The following BPGM variants were observed in gnomAD, a reference collection of about 807,000 sequenced individuals.
BPGM encodes 2,3-bisphosphoglycerate mutase, erythrocyte.
In BPGM, 15 loss-of-function variants were observed where a neutral mutation model predicts 21.6. The ratio of observed to expected loss-of-function variants is 0.70; its 90% CI spans 0.47 to 1.07. The LOEUF (loss-of-function observed/expected upper bound fraction) is 1.07, where lower values mean the gene tolerates loss of function less well. BPGM is among the 50% of genes least tolerant of loss of function. BPGM has a pLI of 0.00. For synonymous variants in BPGM, 113 were observed against 116.2 expected (o/e 0.97, Z 0.18); for missense variants, 273 against 319.0 (o/e 0.86, Z 1.10).
intron 1 of BPGM, among the ~76,000 whole-genome samples, chr7:134,649,534 TG>T (rs3837073): frequency 0.48 from 73,255 of 151,992 alleles, 17,898 homozygotes; most frequent in East Asian, 0.69. Flanking sequence ...TTGAACCGAA[TG>T]GTTTCTTGAA....
At chr7:134,655,122 G>A (rs1352765844) in intron 1 of BPGM, among the ~76,000 whole-genome samples, 2 of 152,090 alleles carry the variant, frequency 1.3e-5, no homozygotes, top group Non-Finnish European at 2.9e-5. Context: ...GAGAAACCAG[G>A]TACAGGTTGG....
intron 1 of BPGM, among the ~76,000 whole-genome samples, chr7:134,654,682 G>A (rs1465710329): frequency 1.3e-5 from 2 of 152,196 alleles, no homozygotes; most frequent in East Asian, 3.8e-4. Context: ...AGACCAAGAT[G>A]TAACCGTGGA....
At chr7:134,674,231 C>T (rs547919234) in intron 2 of BPGM, among the ~76,000 whole-genome samples, 2 of 152,202 alleles carry the variant, frequency 1.3e-5, no homozygotes, top group East Asian at 3.9e-4. Flanking sequence ...TATTTTTTAA[C>T]ATCTTTATTG....
At chr7:134,649,222 C>T (rs1188675901) in intron 1 of BPGM, among the ~76,000 whole-genome samples, 1 of 151,202 alleles carries the variant, frequency 6.6e-6, no homozygotes, top group East Asian at 1.9e-4. Context: ...AATACTAGGT[C>T]TTATTGATCT....
chr7:134,656,567 C>A (rs1204770496), intron 1 of BPGM, among the ~76,000 whole-genome samples: 1 of 152,142 alleles, frequency 6.6e-6, no homozygotes, highest in East Asian at 1.9e-4. Flanking sequence ...ACATGTCCTT[C>A]TTCACATGGT....
intron 2 of BPGM, 88 bp downstream of exon 2, chr7:134,662,196 ACAC>A: frequency 6.6e-7 from 1 of 1,511,644 alleles, no homozygotes; most frequent in Non-Finnish European, 9.1e-7. Flanking sequence ...GGCCCTATTT[ACAC>A]AATAGACTCC....
At chr7:134,666,578 A>C (rs1795824652) in intron 2 of BPGM, among the ~76,000 whole-genome samples, 1 of 152,204 alleles carries the variant, frequency 6.6e-6, no homozygotes, top group South Asian at 2.1e-4. Context: ...ATTCTCACCC[A>C]TTCTGGATAT....
chr7:134,648,380 C>G (rs1381834160), intron 1 of BPGM, among the ~76,000 whole-genome samples: 2 of 152,122 alleles, frequency 1.3e-5, no homozygotes, highest in East Asian at 3.9e-4. Context: ...GGTGATCTGC[C>G]TGCCTCGGCC....
At chr7:134,677,826 C>T (rs1014664457) in intron 2 of BPGM, among the ~76,000 whole-genome samples, 13 of 152,188 alleles carry the variant, frequency 8.5e-5, no homozygotes, top group Non-Finnish European at 1.6e-4. Context: ...CTCATGCCTT[C>T]CCTTTGCTCA....
intron 2 of BPGM, among the ~76,000 whole-genome samples, chr7:134,666,708 A>G (rs1482683258): frequency 6.6e-6 from 1 of 152,212 alleles, no homozygotes; most frequent in Non-Finnish European, 1.5e-5. Flanking sequence ...CCTAACATGG[A>G]AGAAATTATG....
chr7:134,673,909 T>C (rs1795945139), intron 2 of BPGM, among the ~76,000 whole-genome samples: 1 of 149,892 alleles, frequency 6.7e-6, no homozygotes, highest in Admixed American at 6.6e-5. Context: ...TTTCCTTTTT[T>C]TTTTTTTTTT....
rs1585858236 is a variant in BPGM at position 134,661,759 on chromosome 7, C to T, written c.252C>T (p.Ser84=). 2.5e-6 allele frequency: 4 copies of T among 1,614,174 alleles called. No homozygotes were observed. The highest frequency in any genetic ancestry group is 2.5e-6 in the Non-Finnish European group (3 of 1,180,030). Reference sequence around the variant, plus strand: ...AGGAATGGGTGCCTGTGGAAAGCTCCTGGCGTCTAAATGAGCGTCACTATG... The same window carrying T: ...AGGAATGGGTGCCTGTGGAAAGCTCTTGGCGTCTAAATGAGCGTCACTATG... ...LGQEWVPVES[S]WRLNERHYGA... The change falls in exon 2 of 3, where the codon TCC becomes TCT. Residue 84 remains serine, a synonymous_variant. Transcript: ENST00000344924. This position sits in a 1 kb window ranked among gnomAD's most constrained non-coding sequence, Gnocchi z 4.6.
chr7:134,648,024 C>T (rs924990493), intron 1 of BPGM, among the ~76,000 whole-genome samples: 1 of 151,946 alleles, frequency 6.6e-6, no homozygotes, highest in African/African-American at 2.4e-5. Flanking sequence ...TCTTGAACTC[C>T]TGACCTCAGG....
rs369375961 is a variant in BPGM, at chr7:134,654,890, A to G, written c.-61-6557A>G. Among the ~76,000 whole-genome samples the G allele has an allele frequency of 3.1e-4, 47 of 152,308 alleles. No homozygotes were observed. In the East Asian group the frequency reaches 5.8e-3, roughly 19 times the overall value. ...AGGAAACTAAAAAAGGAATGGCTAGAAGGGAAGGTAAATGGACAAGAGGAA... is the reference window on the plus strand; with the variant it reads ...AGGAAACTAAAAAAGGAATGGCTAGGAGGGAAGGTAAATGGACAAGAGGAA... On this transcript the variant is annotated intron_variant, in intron 1 of 2. Coordinates refer to ENST00000344924, the MANE Select transcript of BPGM (RefSeq NM_001724.5).
At chr7:134,656,808 T>C (rs899591791) in intron 1 of BPGM, among the ~76,000 whole-genome samples, 2 of 152,200 alleles carry the variant, frequency 1.3e-5, no homozygotes, top group African/African-American at 4.8e-5. Context: ...TTTCAAAACA[T>C]AATCATGCCC....
At position 134,679,028 on chromosome 7, in the gene BPGM, A is replaced by T; in HGVS notation, c.777A>T (p.Lys259Asn). Residue 259 changes from lysine to asparagine, a missense_variant, in exon 3 of 3, where the codon AAA becomes AAT. Lys to Asn is a moderately conservative substitution (Grantham distance 94). Coordinates refer to ENST00000344924, the MANE Select transcript of BPGM (RefSeq NM_001724.5). ...EDQGKVKQAK[K>N] ...AAGGAAAAGTGAAACAAGCTAAAAAATAGTCTTTCTCAACTGTTGGCTAAG... is the reference window on the plus strand; with the variant it reads ...AAGGAAAAGTGAAACAAGCTAAAAATTAGTCTTTCTCAACTGTTGGCTAAG... The T allele has an allele frequency of 6.2e-7, 1 of 1,614,152 alleles. No homozygotes were observed. The highest frequency in any genetic ancestry group is 8.5e-7 in the Non-Finnish European group (1 of 1,179,960).
In BPGM at chr7:134,661,642, C is replaced by T; in HGVS notation, c.135C>T (p.Leu45=). 1 of 1,614,158 alleles carries T rather than the reference C, an allele frequency of 6.2e-7. No homozygotes were observed. The highest frequency in any genetic ancestry group is 8.5e-7 in the Non-Finnish European group (1 of 1,180,016). ...MEEARNCGKQ[L]KALNFEFDLV... ...AAGCTCGGAACTGTGGGAAGCAACT[C>T]AAAGCGTTAAACTTTGAGTTTGATC... The change falls in exon 2 of 3, where the codon CTC becomes CTT. Residue 45 remains leucine, a synonymous_variant. Coordinates refer to ENST00000344924, the MANE Select transcript of BPGM (RefSeq NM_001724.5). The surrounding 1 kb of genome is among the most constrained non-coding windows in gnomAD (Gnocchi z 4.6).
Position 134,677,760 on chromosome 7 carries a change from A to G in BPGM, c.602-1093A>G, listed in dbSNP as rs568720336. Among the ~76,000 whole-genome samples, 3 of 152,334 alleles carry G rather than the reference A, an allele frequency of 2.0e-5. No homozygotes were observed. In the South Asian group the frequency reaches 6.2e-4, roughly 32 times the overall value. ...GTGATTAATAAAGGAGTGTTTTTAAAGTAGATAATTTGAATACTTTCAGTT... is the reference window on the plus strand; with the variant it reads ...GTGATTAATAAAGGAGTGTTTTTAAGGTAGATAATTTGAATACTTTCAGTT... On this transcript the variant is annotated intron_variant, in intron 2 of 2. Transcript: ENST00000344924.
At position 134,679,678 on chromosome 7, in the gene BPGM, A is replaced by C. The variant is rs1045908006; in HGVS notation, c.*647A>C. 1 of 152,252 alleles carries C rather than the reference A, an allele frequency of 6.6e-6. No individual in the cohort carries two copies. The highest frequency in any genetic ancestry group is 6.5e-5 in the Admixed American group (1 of 15,280). 9.4% of individuals were successfully genotyped at this position (152,252 alleles called of 1,614,324 possible). On this transcript the variant is annotated 3_prime_UTR_variant, in exon 3 of 3. Transcript: ENST00000344924. ...TTAGTAGAATTCCTCTTTGGCCACA[A>C]GAATAAGCAGCAAATAAACAACTAT...
Sources: allele counts gnomAD v4.1 joint callset (sites outside exome capture counted in the v4.1 genomes callset), GRCh38; gene constraint gnomAD v4.1.1; non-coding constraint Gnocchi (gnomAD v3.1); transcripts MANE v1.5; gene names NCBI Gene and HGNC (gene_info 2026-07-23, HGNC 2026-07-21).